PCDH9: variants seen among roughly 807,000 people sequenced by gnomAD.
PCDH9 encodes the protein protocadherin-9.
PCDH9 carries 24 observed loss-of-function variants against 70.6 expected under a neutral mutation model. The ratio of observed to expected loss-of-function variants is 0.34; its 90% CI spans 0.25 to 0.48. PCDH9 has a LOEUF of 0.48. Among genes scored for constraint, PCDH9 ranks in the 20% least tolerant of loss-of-function variants. The pLI is 0.99. For missense variants in PCDH9, 1,281 were observed against 1,503.6 expected (o/e 0.85, Z 2.45); for synonymous variants, 562 against 558.5 (o/e 1.01, Z -0.09).
At chr13:67,102,539 A>G (rs563077839) in intron 2 of PCDH9, among the ~76,000 whole-genome samples, 1 of 152,204 alleles carries the variant, frequency 6.6e-6, no homozygotes, top group Non-Finnish European at 1.5e-5. Flanking sequence ...AAATAGAAAA[A>G]AAAACAGGTT....
intron 4 of PCDH9, among the ~76,000 whole-genome samples, chr13:66,486,242 G>A (rs148506955): frequency 1.7e-3 from 251 of 152,032 alleles, no homozygotes; most frequent in Middle Eastern, 6.8e-3. Context: ...AATAGTTTGA[G>A]ACCAGACTGG....
At chr13:66,445,548 C>A (rs1273142122) in intron 4 of PCDH9, among the ~76,000 whole-genome samples, 1 of 140,192 alleles carries the variant, frequency 7.1e-6, no homozygotes, top group East Asian at 2.1e-4. Context: ...ATTATATATA[C>A]ACATATATAA....
chr13:66,909,245 G>A (rs2082416174), intron 2 of PCDH9, among the ~76,000 whole-genome samples: 1 of 151,804 alleles, frequency 6.6e-6, no homozygotes, highest in Admixed American at 6.6e-5. Context: ...TTACCAAGGA[G>A]TTGAAAGATC....
intron 3 of PCDH9, among the ~76,000 whole-genome samples, chr13:66,641,443 G>A (rs956725769): frequency 6.6e-6 from 1 of 152,148 alleles, no homozygotes; most frequent in Non-Finnish European, 1.5e-5. Flanking sequence ...ACAAAATGTA[G>A]GTAAAGATCC....
chr13:67,141,280 T>G (rs576016810), intron 2 of PCDH9, among the ~76,000 whole-genome samples: 1 of 151,704 alleles, frequency 6.6e-6, no homozygotes, highest in East Asian at 1.9e-4. Flanking sequence ...AGATTAGTAG[T>G]GGGAAGAAGA....
At chr13:66,801,357 C>A (rs1278373091) in intron 3 of PCDH9, among the ~76,000 whole-genome samples, 1 of 151,922 alleles carries the variant, frequency 6.6e-6, no homozygotes, top group Non-Finnish European at 1.5e-5. Context: ...TGTTCTAGGA[C>A]AAAAGTATAG....
chr13:66,354,574 C>T (rs905492634), intron 4 of PCDH9, among the ~76,000 whole-genome samples: 3 of 151,756 alleles, frequency 2.0e-5, no homozygotes, highest in African/African-American at 7.3e-5. Context: ...TAGTAGAAAG[C>T]GGCACTTTCT....
chr13:67,029,171 A>G (rs2084854705), intron 2 of PCDH9, among the ~76,000 whole-genome samples: 2 of 152,210 alleles, frequency 1.3e-5, no homozygotes, highest in Admixed American at 6.5e-5. Flanking sequence ...AGAACTTTGG[A>G]AATTTTTTTT....
chr13:66,380,536 CTTTTTTTTTTTTT>C (rs59830525), intron 4 of PCDH9, among the ~76,000 whole-genome samples: 3 of 53,358 alleles, frequency 5.6e-5, no homozygotes, highest in Admixed American at 6.1e-4. Flanking sequence ...AGATCTTGTC[CTTTTTTTTTTTTT>C]TTTTTTTTTT....
chr13:66,594,642 T>A (rs1211895227), intron 4 of PCDH9, among the ~76,000 whole-genome samples: 1 of 151,568 alleles, frequency 6.6e-6, no homozygotes, highest in Non-Finnish European at 1.5e-5. Flanking sequence ...CATCAGCTAT[T>A]TTTCCTAATG....
chr13:66,602,309 G>T lies in PCDH9; in HGVS notation c.3340+28901C>A, dbSNP rs2077173758. ...GCTGCATGTGGCCCACAGGCTGTGG[G>T]TTGGACAAGCTTGATCTAGAAGAAA... On this transcript the variant is annotated intron_variant, in intron 4 of 4. Transcript: ENST00000377865. Among the ~76,000 whole-genome samples, 3 of 146,556 alleles carry T rather than the reference G, an allele frequency of 2.0e-5. 1 individual carries two copies. Among genetic ancestry groups the T allele is most frequent in the Admixed American group, 6.8e-5 (1 of 14,606 alleles).
chr13:66,502,241 A>T (rs1241748905), intron 4 of PCDH9, among the ~76,000 whole-genome samples: 7 of 152,152 alleles, frequency 4.6e-5, no homozygotes, highest in Non-Finnish European at 1.0e-4. Context: ...ACTTCATTTC[A>T]CATTAACTAT....
intron 4 of PCDH9, among the ~76,000 whole-genome samples, chr13:66,474,899 C>A (rs1398283665): frequency 6.6e-6 from 1 of 152,000 alleles, no homozygotes. Context: ...AAGACATTAC[C>A]TAGAGTCTCC....
At chr13:67,075,484 C>T (rs2138168298) in intron 2 of PCDH9, among the ~76,000 whole-genome samples, 1 of 152,214 alleles carries the variant, frequency 6.6e-6, no homozygotes, top group East Asian at 1.9e-4. Flanking sequence ...TTCTCTGCTA[C>T]AGCCTCTCCC....
At chr13:66,493,832 C>A (rs912493135) in intron 4 of PCDH9, among the ~76,000 whole-genome samples, 3 of 151,928 alleles carry the variant, frequency 2.0e-5, no homozygotes, top group African/African-American at 7.2e-5. Flanking sequence ...GTGAATAAAC[C>A]ATTTAATCAA....
chr13:66,851,572 C>CA (rs1280811498), intron 3 of PCDH9, among the ~76,000 whole-genome samples: 8 of 118,132 alleles, frequency 6.8e-5, no homozygotes, highest in African/African-American at 2.5e-4. Flanking sequence ...ACCCGCATCA[C>CA]CCTCACACAC....
At chr13:66,772,915 A>G (rs1459622100) in intron 3 of PCDH9, among the ~76,000 whole-genome samples, 1 of 152,126 alleles carries the variant, frequency 6.6e-6, no homozygotes, top group African/African-American at 2.4e-5. Flanking sequence ...TAAACCAGAA[A>G]AAAAAAAAGT....
At chr13:66,871,772 G>C (rs1350273982) in intron 3 of PCDH9, among the ~76,000 whole-genome samples, 1 of 151,980 alleles carries the variant, frequency 6.6e-6, no homozygotes, top group African/African-American at 2.4e-5. Flanking sequence ...CAAATTTTCA[G>C]ACCTATTTCC....
At chr13:66,528,495 C>T (rs1325888561) in intron 4 of PCDH9, among the ~76,000 whole-genome samples, 1 of 152,128 alleles carries the variant, frequency 6.6e-6, no homozygotes, top group Non-Finnish European at 1.5e-5. Context: ...TTCAGCAGTA[C>T]AGTATCAACT....
Sources: gnomAD v4.1 joint callset for allele counts (sites outside exome capture counted in the v4.1 genomes callset) on GRCh38, gnomAD v4.1.1 for gene constraint, MANE v1.5 for transcripts, NCBI Gene and HGNC (gene_info 2026-07-23, HGNC 2026-07-21) for gene names.